The following FANCL variants were observed in gnomAD, a reference collection of about 807,000 sequenced individuals.
FANCL encodes FA complementation group L.
In FANCL, 69 loss-of-function variants were observed where a neutral mutation model predicts 59.4. The observed-to-expected ratio is 1.16, with a 90% CI of 0.96 to 1.42. The LOEUF (loss-of-function observed/expected upper bound fraction) is 1.42. Among genes scored for constraint, FANCL ranks in the 40% most tolerant of loss-of-function variants. The pLI is 0.00. For missense variants in FANCL, 519 were observed against 447.2 expected (o/e 1.16, Z -1.45); for synonymous variants, 180 against 147.1 (o/e 1.22, Z -1.62).
chr2:58,160,577 C>A (rs919698685), intron 12 of FANCL, among the ~76,000 whole-genome samples: 4 of 152,028 alleles, frequency 2.6e-5, no homozygotes, highest in African/African-American at 9.7e-5. Context: ...ATACTACAGG[C>A]TCTTGAAAAT....
At chr2:58,239,351 C>A (rs1057369956) in intron 1 of FANCL, among the ~76,000 whole-genome samples, 2 of 152,100 alleles carry the variant, frequency 1.3e-5, no homozygotes, top group Non-Finnish European at 2.9e-5. Context: ...AGTATCCCTG[C>A]CAAAAATGCA....
rs1395685917 is a variant in FANCL at position 58,159,331 on chromosome 2, T to C, written c.*434A>G. The C allele has an allele frequency of 2.6e-6, 4 of 1,564,942 alleles. No homozygotes were observed. The highest frequency in any genetic ancestry group is 2.6e-6 in the Non-Finnish European group (3 of 1,154,616). ...CTCACGTCTAACAAACTAAACTATA[T>C]ATGTATTTTTTCCATAGGAAAGCAC... On this transcript the variant is annotated 3_prime_UTR_variant, in exon 14 of 14. Coordinates refer to ENST00000233741, the MANE Select transcript of FANCL (RefSeq NM_018062.4).
intron 7 of FANCL, among the ~76,000 whole-genome samples, chr2:58,189,028 GA>G (rs1208850144): frequency 6.6e-6 from 1 of 152,156 alleles, no homozygotes; most frequent in African/African-American, 2.4e-5. Flanking sequence ...AATTATATAA[GA>G]TTCTGTAAAC....
chr2:58,235,480 G>A (rs915202334), intron 1 of FANCL, among the ~76,000 whole-genome samples: 3 of 152,074 alleles, frequency 2.0e-5, no homozygotes, highest in African/African-American at 7.2e-5. Context: ...ATGCTTAAAA[G>A]CTTAAAGCTT....
At chr2:58,214,849 G>A (rs945246761) in intron 5 of FANCL, among the ~76,000 whole-genome samples, 2 of 151,974 alleles carry the variant, frequency 1.3e-5, no homozygotes, top group African/African-American at 4.8e-5. Flanking sequence ...TGTATCCTTA[G>A]TGCTTTACAT....
chr2:58,238,416 T>C (rs1316877504), intron 1 of FANCL, among the ~76,000 whole-genome samples: 7 of 152,142 alleles, frequency 4.6e-5, no homozygotes, highest in African/African-American at 1.2e-4. Context: ...CCACTAAGGT[T>C]TGAAGTAAAT....
chr2:58,170,506 T>A (rs1416486308), intron 7 of FANCL, among the ~76,000 whole-genome samples: 1 of 152,086 alleles, frequency 6.6e-6, no homozygotes, highest in African/African-American at 2.4e-5. Context: ...AGCATCATAA[T>A]GACAGGATCA....
At chr2:58,205,028 G>C (rs1690450952) in intron 5 of FANCL, among the ~76,000 whole-genome samples, 1 of 152,018 alleles carries the variant, frequency 6.6e-6, no homozygotes. Flanking sequence ...TGGGCATATG[G>C]ATATTTTTGA....
intron 6 of FANCL, among the ~76,000 whole-genome samples, chr2:58,203,620 A>C (rs1231905870): frequency 2.6e-5 from 4 of 152,094 alleles, no homozygotes; most frequent in Non-Finnish European, 5.9e-5. Flanking sequence ...CTATAAATAG[A>C]GGCATAACCT....
At position 58,241,281 on chromosome 2, in the gene FANCL, C is replaced by A; in HGVS notation, c.33G>T (p.Gln11His). The change falls in exon 1 of 14, where the codon CAG (glutamine) becomes CAT (histidine). Residue 11 changes from glutamine to histidine, a missense_variant. Transcript: ENST00000233741. MAVTEASLLRQCPLLLPQNRS... is the reference protein window; with the variant it reads MAVTEASLLRHCPLLLPQNRS... ...GGTTCTGGGGCAGAAGCAGGGGGCA[C>A]TGGCGCAACAGGCTCGCTTCCGTCA... The A allele has an allele frequency of 6.2e-7, 1 of 1,614,250 alleles. No individual in the cohort carries two copies. The highest frequency in any genetic ancestry group is 8.5e-7 in the Non-Finnish European group (1 of 1,180,044).
intron 7 of FANCL, among the ~76,000 whole-genome samples, chr2:58,177,851 T>A (rs1415116407): frequency 7.1e-6 from 1 of 141,242 alleles, no homozygotes; most frequent in South Asian, 2.4e-4. Context: ...GCCAGACTAA[T>A]AAAGAAGAAA....
At chr2:58,169,620 T>C (rs550867008) in intron 7 of FANCL, among the ~76,000 whole-genome samples, 41 of 152,024 alleles carry the variant, frequency 2.7e-4, no homozygotes, top group African/African-American at 9.6e-4. Context: ...TAAAGGAGCA[T>C]GTTCTAACCC....
intron 7 of FANCL, among the ~76,000 whole-genome samples, chr2:58,180,931 G>A (rs1687880118): frequency 6.6e-6 from 1 of 151,984 alleles, no homozygotes; most frequent in Non-Finnish European, 1.5e-5. Context: ...ATGTTAATAA[G>A]GACACAAAGC....
intron 7 of FANCL, among the ~76,000 whole-genome samples, chr2:58,173,254 A>T (rs9678508): frequency 0.035 from 5,374 of 152,314 alleles, 108 homozygotes; most frequent in East Asian, 0.094. Flanking sequence ...CTAGCAAGGC[A>T]GGCCAACATT....
intron 3 of FANCL, among the ~76,000 whole-genome samples, chr2:58,228,526 T>C (rs1052565918): frequency 6.6e-6 from 1 of 152,224 alleles, no homozygotes; most frequent in Admixed American, 6.5e-5. Context: ...TTTATTGGCA[T>C]GTAGCCATAC....
intron 5 of FANCL, among the ~76,000 whole-genome samples, chr2:58,214,008 T>C (rs1398334507): frequency 2.0e-5 from 3 of 152,182 alleles, no homozygotes; most frequent in African/African-American, 7.2e-5. Flanking sequence ...TGGTGTTATG[T>C]ACCCAGCCCT....
Position 58,173,271 on chromosome 2 carries a change from A to C in FANCL, c.541-7397T>G, listed in dbSNP as rs903355185. Reference sequence around the variant, plus strand: ...AGCAAGGCAGGCCAACATTCAGATTAAAGAAATACAGAGAATGCCACAAAG... The same window carrying C: ...AGCAAGGCAGGCCAACATTCAGATTCAAGAAATACAGAGAATGCCACAAAG... On this transcript the variant is annotated intron_variant, in intron 7 of 13. Transcript: ENST00000233741. Among the ~76,000 whole-genome samples, 6 of 152,176 alleles carry C rather than the reference A, an allele frequency of 3.9e-5. No individual in the cohort carries two copies. The South Asian group carries it at 1.0e-3, about 26-fold the overall frequency.
At chr2:58,204,079 C>A in intron 6 of FANCL, 51 bp downstream of exon 6, 2 of 1,348,252 alleles carry the variant, frequency 1.5e-6, no homozygotes, top group South Asian at 2.3e-5. Context: ...TCACAGAGTT[C>A]ATTTCACAAA....
At chr2:58,237,742 T>C (rs1315042576) in intron 1 of FANCL, among the ~76,000 whole-genome samples, 1 of 152,190 alleles carries the variant, frequency 6.6e-6, no homozygotes, top group Admixed American at 6.5e-5. Flanking sequence ...CGTATATCCA[T>C]AAATTATTTG....
Sources: gnomAD v4.1 joint callset for allele counts (sites outside exome capture counted in the v4.1 genomes callset) on GRCh38, gnomAD v4.1.1 for gene constraint, MANE v1.5 for transcripts, NCBI Gene and HGNC (gene_info 2026-07-23, HGNC 2026-07-21) for gene names.